The following HS6ST3 variants were observed in gnomAD, a reference collection of about 807,000 sequenced individuals.
HS6ST3 encodes heparan sulfate 6-O-sulfotransferase 3, also known as heparan-sulfate 6-O-sulfotransferase 3.
HS6ST3 carries 12 observed loss-of-function variants against 36.7 expected under a neutral mutation model. The observed-to-expected ratio is 0.33, with a 90% CI of 0.21 to 0.53. The LOEUF (loss-of-function observed/expected upper bound fraction) is 0.53, where lower values mean the gene tolerates loss of function less well. HS6ST3 is among the 20% of genes least tolerant of loss of function. The pLI is 0.95. For missense variants in HS6ST3, 584 were observed against 640.9 expected (o/e 0.91, Z 0.96); for synonymous variants, 240 against 257.5 (o/e 0.93, Z 0.65).
chr13:96,090,985 C>G lies in HS6ST3; in HGVS notation c.123C>G (p.Pro41=). 1 of 1,361,206 alleles carries G rather than the reference C, an allele frequency of 7.3e-7. No homozygotes were observed. The highest frequency in any genetic ancestry group is 9.5e-7 in the Non-Finnish European group (1 of 1,047,462). The allele number at this position is 1,361,206 out of a possible 1,614,324, so 84.3% of individuals were successfully genotyped here. Residue 41 remains proline (P), a synonymous_variant, in exon 1 of 2, where the codon CCC becomes CCG. Coordinates refer to ENST00000376705, the MANE Select transcript of HS6ST3 (RefSeq NM_153456.4). The stretch of plus-strand genomic sequence containing the variant: ...CCTGCACCAACTTCGGGGAGCAGCC[C>G]CGCGCGGGGGAGGCCGGCCCGCCCG... ...TSSCTNFGEQ[P]RAGEAGPPAV...
At chr13:96,561,670 A>G (rs2056262787) in intron 1 of HS6ST3, among the ~76,000 whole-genome samples, 1 of 152,078 alleles carries the variant, frequency 6.6e-6, no homozygotes, top group South Asian at 2.1e-4. Flanking sequence ...AACTATAAGG[A>G]ATTTAAACAA....
intron 1 of HS6ST3, among the ~76,000 whole-genome samples, chr13:96,361,278 G>C (rs1366103273): frequency 6.6e-6 from 1 of 152,132 alleles, no homozygotes; most frequent in African/African-American, 2.4e-5. Flanking sequence ...TTTCAATCCA[G>C]TCTCTGACTC....
At chr13:96,512,720 A>G (rs2056055297) in intron 1 of HS6ST3, among the ~76,000 whole-genome samples, 1 of 152,032 alleles carries the variant, frequency 6.6e-6, no homozygotes, top group African/African-American at 2.4e-5. Flanking sequence ...TATTCTTATA[A>G]GTTTATTTTG....
At chr13:96,155,275 A>G (rs992468755) in intron 1 of HS6ST3, among the ~76,000 whole-genome samples, 14 of 152,130 alleles carry the variant, frequency 9.2e-5, no homozygotes, top group Admixed American at 2.6e-4. Flanking sequence ...TCATGATTCT[A>G]TTTCCTCTTT....
At chr13:96,370,876 T>C (rs1377526444) in intron 1 of HS6ST3, among the ~76,000 whole-genome samples, 1 of 152,140 alleles carries the variant, frequency 6.6e-6, no homozygotes. Flanking sequence ...CCAGCCTGGG[T>C]GACGGAGCGA....
intron 1 of HS6ST3, among the ~76,000 whole-genome samples, chr13:96,768,827 C>T (rs1442890506): frequency 6.6e-6 from 1 of 151,890 alleles, no homozygotes; most frequent in Admixed American, 6.6e-5. Context: ...ATCTAGGTGG[C>T]CCCTTGAGTC....
chr13:96,199,188 G>C (rs1216884967), intron 1 of HS6ST3, among the ~76,000 whole-genome samples: 1 of 152,182 alleles, frequency 6.6e-6, no homozygotes, highest in Non-Finnish European at 1.5e-5. Flanking sequence ...AATTCTGGGA[G>C]CTACAATTCA....
At chr13:96,226,832 T>C (rs2054483201) in intron 1 of HS6ST3, among the ~76,000 whole-genome samples, 1 of 152,204 alleles carries the variant, frequency 6.6e-6, no homozygotes, top group Non-Finnish European at 1.5e-5. Flanking sequence ...AAAGAATCTT[T>C]TGTCAAGTAC....
rs138526838 is a variant in HS6ST3 at position 96,678,441 on chromosome 13, G to A, written c.708-154049G>A. Among the ~76,000 whole-genome samples, 869 of 152,194 alleles carry A rather than the reference G, an allele frequency of 5.7e-3. 7 individuals carry two copies. The highest frequency in any genetic ancestry group is 0.02 in the African/African-American group (815 of 41,530). On this transcript the variant is annotated intron_variant, in intron 1 of 1. Coordinates refer to ENST00000376705, the MANE Select transcript of HS6ST3 (RefSeq NM_153456.4). ...TGTAATCTCAGCACTTTGGGAGGCC[G>A]AGGCAGGTGGATCATGAGGTCAGAA... is the stretch of plus-strand genomic sequence containing the variant.
chr13:96,483,483 A>G (rs548394451), intron 1 of HS6ST3, among the ~76,000 whole-genome samples: 11 of 152,220 alleles, frequency 7.2e-5, no homozygotes, highest in Non-Finnish European at 1.5e-4. Flanking sequence ...GCAAGGTCAT[A>G]TGAAGTGACT....
At chr13:96,735,366 T>C (rs1413026942) in intron 1 of HS6ST3, among the ~76,000 whole-genome samples, 1 of 152,118 alleles carries the variant, frequency 6.6e-6, no homozygotes, top group African/African-American at 2.4e-5. Flanking sequence ...ATACTGGGAA[T>C]CACAATGGAA....
intron 1 of HS6ST3, among the ~76,000 whole-genome samples, chr13:96,405,092 A>G (rs1175448611): frequency 2.0e-5 from 3 of 152,314 alleles, no homozygotes; most frequent in East Asian, 3.9e-4. Flanking sequence ...TGTGAGTCCA[A>G]TTAAACCTCT....
rs750661197 is a variant in HS6ST3 at position 96,679,859 on chromosome 13, G to T, written c.708-152631G>T. Among the ~76,000 whole-genome samples the T allele has an allele frequency of 1.6e-3, 240 of 152,244 alleles. 1 individual carries two copies. The highest frequency in any genetic ancestry group is 3.0e-3 in the Non-Finnish European group (205 of 68,020). On this transcript the variant is annotated intron_variant, in intron 1 of 1. Transcript: ENST00000376705. ...CTGGGGTCCAACAATGGGATCAAAA[G>T]GTCCAAGAGACTTGGCCCCGGTCTT...
intron 1 of HS6ST3, among the ~76,000 whole-genome samples, chr13:96,093,831 AC>A (rs1317789278): frequency 2.0e-5 from 3 of 152,192 alleles, no homozygotes; most frequent in Admixed American, 1.3e-4. Flanking sequence ...ATGTCTGTGT[AC>A]AGCATTCTAC....
chr13:96,141,766 G>T (rs1459478301), intron 1 of HS6ST3, among the ~76,000 whole-genome samples: 2 of 152,120 alleles, frequency 1.3e-5, no homozygotes, highest in Non-Finnish European at 2.9e-5. Context: ...GATCAGGGGG[G>T]TCTTAAGGAC....
chr13:96,747,763 T>A (rs2138489728), intron 1 of HS6ST3, among the ~76,000 whole-genome samples: 1 of 152,130 alleles, frequency 6.6e-6, no homozygotes, highest in South Asian at 2.1e-4. Flanking sequence ...AGGATCTCAC[T>A]GTGGCCATGG....
intron 1 of HS6ST3, among the ~76,000 whole-genome samples, chr13:96,662,515 G>GGT (rs144795600): frequency 5.7e-4 from 84 of 147,878 alleles, no homozygotes; most frequent in African/African-American, 1.7e-3. Flanking sequence ...GTGTGTATGG[G>GGT]GTGTGTGTGT....
intron 1 of HS6ST3, among the ~76,000 whole-genome samples, chr13:96,383,315 G>A (rs1186577901): frequency 2.0e-5 from 3 of 152,124 alleles, no homozygotes; most frequent in Non-Finnish European, 2.9e-5. Flanking sequence ...TTAGCTGGGC[G>A]TGGTGGCATG....
chr13:96,606,092 T>C (rs894190120), intron 1 of HS6ST3, among the ~76,000 whole-genome samples: 1 of 152,104 alleles, frequency 6.6e-6, no homozygotes, highest in Admixed American at 6.5e-5. Context: ...GGTGAGGCCA[T>C]GAAGAAAAGG....
Sources: gnomAD v4.1 joint callset for allele counts (sites outside exome capture counted in the v4.1 genomes callset) on GRCh38, gnomAD v4.1.1 for gene constraint, MANE v1.5 for transcripts, NCBI Gene and HGNC (gene_info 2026-07-23, HGNC 2026-07-21) for gene names.